The following NFASC variants were observed in gnomAD, a reference collection of about 807,000 sequenced individuals.
NFASC encodes neurofascin homolog.
In NFASC, 43 loss-of-function variants were observed where a neutral mutation model predicts 147.5. The ratio of observed to expected loss-of-function variants is 0.29; its 90% CI spans 0.23 to 0.38. The LOEUF (loss-of-function observed/expected upper bound fraction) is 0.38, where lower values mean the gene tolerates loss of function less well. Among genes scored for constraint, NFASC ranks in the 10% least tolerant of loss-of-function variants. The pLI, the probability that NFASC is intolerant of heterozygous loss-of-function variation, is 1.00. For synonymous variants in NFASC, 622 were observed against 665.5 expected, an observed-to-expected ratio of 0.93 and a Z score of 1.01; for missense variants, 1,320 against 1,689.0, an observed-to-expected ratio of 0.78 and a Z score of 3.83.
intron 25 of NFASC, chr1:205,000,882 G>A (rs891614599): frequency 4.1e-6 from 2 of 485,460 alleles, no homozygotes; most frequent in East Asian, 3.9e-5. Context: ...CTACCTATGT[G>A]GACACAGTCA....
intron 8 of NFASC, among the ~76,000 whole-genome samples, chr1:204,961,557 G>T (rs1436441541): frequency 6.6e-6 from 1 of 152,258 alleles, no homozygotes; most frequent in African/African-American, 2.4e-5. Flanking sequence ...TGCTGGGTGT[G>T]GCCAGGGCCC....
intron 21 of NFASC, among the ~76,000 whole-genome samples, chr1:204,983,306 T>C (rs1002872020): frequency 9.2e-5 from 14 of 152,212 alleles, no homozygotes; most frequent in African/African-American, 3.1e-4. Context: ...CTGAACTAGA[T>C]TAGGGCATCT....
At chr1:204,858,978 C>CTTTTTT (rs56763796) in intron 1 of NFASC, among the ~76,000 whole-genome samples, 3,277 of 139,376 alleles carry the variant, frequency 0.024, 175 homozygotes, top group African/African-American at 0.083. Context: ...AATGCACTGA[C>CTTTTTT]TTTTTTTTTT....
chr1:204,957,120 T>C (rs1470790974), intron 7 of NFASC, among the ~76,000 whole-genome samples: 1 of 152,250 alleles, frequency 6.6e-6, no homozygotes, highest in Admixed American at 6.5e-5. Flanking sequence ...TACATTATAA[T>C]TGATGATTAC....
At chr1:204,873,659 A>T (rs1237031451) in intron 1 of NFASC, among the ~76,000 whole-genome samples, 1 of 149,594 alleles carries the variant, frequency 6.7e-6, no homozygotes, top group Non-Finnish European at 1.5e-5. Flanking sequence ...TGTGCTAGGG[A>T]CAGCTGCTGG....
chr1:204,884,629 C>G (rs1392778201), intron 1 of NFASC, among the ~76,000 whole-genome samples: 2 of 152,138 alleles, frequency 1.3e-5, no homozygotes, highest in Non-Finnish European at 2.9e-5. Flanking sequence ...CTTACTTAGC[C>G]TTTGTGAGCC....
chr1:204,871,987 C>G (rs1047186501), intron 1 of NFASC, among the ~76,000 whole-genome samples: 9 of 152,198 alleles, frequency 5.9e-5, no homozygotes, highest in Non-Finnish European at 1.3e-4. Flanking sequence ...CCTTTGGGTA[C>G]AGGGCTCCCT....
intron 1 of NFASC, among the ~76,000 whole-genome samples, chr1:204,867,710 C>T (rs2077228839): frequency 1.3e-5 from 2 of 152,178 alleles, no homozygotes; most frequent in African/African-American, 4.8e-5. Flanking sequence ...AAGCCCCTCC[C>T]CAGAGACACA....
chr1:204,927,969 C>T (rs1234986100), intron 2 of NFASC, among the ~76,000 whole-genome samples: 3 of 152,174 alleles, frequency 2.0e-5, no homozygotes, highest in African/African-American at 7.2e-5. Context: ...GGCTCTTCTC[C>T]GTGGTGGTGG....
In NFASC at chr1:205,016,011, C is replaced by T. The variant is rs895969638; in HGVS notation, c.3492-297C>T. Among the ~76,000 whole-genome samples the T allele has an allele frequency of 7.2e-5, 11 of 152,180 alleles. No homozygotes were observed. The highest frequency in any genetic ancestry group is 2.2e-4 in the African/African-American group (9 of 41,452). On this transcript the variant is annotated intron_variant, in intron 29 of 29. Transcript: ENST00000339876. This position sits in a 1 kb window ranked among gnomAD's most constrained non-coding sequence, Gnocchi z 5.1. ...CCATGGGGTGGCCATCCTCTGTCCACTTCCACCACACACAGGGACCCAATC... is the reference window on the plus strand; with the variant it reads ...CCATGGGGTGGCCATCCTCTGTCCATTTCCACCACACACAGGGACCCAATC...
chr1:204,924,283 C>G lies in NFASC; in HGVS notation c.-91+3543C>G, dbSNP rs191873073. Among the ~76,000 whole-genome samples the G allele has an allele frequency of 2.0e-5, 3 of 152,298 alleles. No homozygotes were observed. In the East Asian group the frequency reaches 5.8e-4, roughly 29 times the overall value. ...CTGATGTCTGTATGGGATGTAAATGCAGAAGGCTGCAGGGAGGGAGAGAAG... is the reference window on the plus strand; with the variant it reads ...CTGATGTCTGTATGGGATGTAAATGGAGAAGGCTGCAGGGAGGGAGAGAAG... On this transcript the variant is annotated intron_variant, in intron 2 of 29. Transcript: ENST00000339876.
At chr1:204,844,107 A>G (rs183250842) in intron 1 of NFASC, among the ~76,000 whole-genome samples, 328 of 152,262 alleles carry the variant, frequency 2.2e-3, no homozygotes, top group African/African-American at 7.4e-3. Flanking sequence ...GAAATAGAAT[A>G]TGGAGCAAGA....
chr1:204,940,708 C>G (rs2093305922), intron 2 of NFASC, among the ~76,000 whole-genome samples: 1 of 152,166 alleles, frequency 6.6e-6, no homozygotes, highest in African/African-American at 2.4e-5. Context: ...TCCCTGTGAC[C>G]TTTTGTGCAT....
intron 1 of NFASC, among the ~76,000 whole-genome samples, chr1:204,915,245 C>T (rs2088894437): frequency 6.6e-6 from 1 of 152,082 alleles, no homozygotes; most frequent in Non-Finnish European, 1.5e-5. Flanking sequence ...AGCACCACTG[C>T]ACTCCAGCCT....
chr1:204,981,302 A>G (rs2095505154), intron 20 of NFASC, among the ~76,000 whole-genome samples: 2 of 152,222 alleles, frequency 1.3e-5, no homozygotes, highest in Admixed American at 6.5e-5. Flanking sequence ...AATCACACCC[A>G]TGTTTAAAGA....
chr1:204,958,686 T>C (rs182733785), intron 8 of NFASC, among the ~76,000 whole-genome samples: 1 of 152,328 alleles, frequency 6.6e-6, no homozygotes, highest in African/African-American at 2.4e-5. Context: ...TTAGTCTGAC[T>C]CATGCTGTGA....
In NFASC at chr1:204,977,067, G is replaced by A. The variant is rs1258727590; in HGVS notation, c.1831+272G>A. ...AGTGATATAGAGAAAGTGGAGAGGGGTTTCTCGTTGTGATCATTTTACCTT... is the reference window on the plus strand; with the variant it reads ...AGTGATATAGAGAAAGTGGAGAGGGATTTCTCGTTGTGATCATTTTACCTT... On this transcript the variant is annotated intron_variant, in intron 16 of 29. Transcript: ENST00000339876. 4.1e-6 allele frequency: 5 copies of A among 1,233,968 alleles called. No individual in the cohort carries two copies. The Admixed American group carries it at 2.1e-4, about 52-fold the overall frequency. 76.4% of individuals were successfully genotyped at this position (1,233,968 alleles called of 1,614,324 possible).
chr1:204,905,045 C>T (rs935486255), intron 1 of NFASC, among the ~76,000 whole-genome samples: 1 of 152,174 alleles, frequency 6.6e-6, no homozygotes, highest in East Asian at 1.9e-4. Context: ...TTGCCTCCTC[C>T]ACTACCAGAA....
chr1:204,974,206 G>T lies in NFASC; in HGVS notation c.1307G>T (p.Arg436Leu). Residue 436 changes from arginine (R) to leucine (L), a missense_variant, in exon 13 of 30, where the codon CGG becomes CTG. Transcript: ENST00000339876. ...LDVPPRMLSP[R>L]NQLIRVILYN... ...GTGCCGCCTCGGATGCTGTCGCCCC[G>T]GAACCAGCTCATTCGAGTGATTCTT... is the stretch of plus-strand genomic sequence containing the variant. 6.2e-7 allele frequency: 1 copy of T among 1,613,944 alleles called. No homozygotes were observed. The highest frequency in any genetic ancestry group is 1.1e-5 in the South Asian group (1 of 91,012).
Sources: gnomAD v4.1 joint callset for allele counts (sites outside exome capture counted in the v4.1 genomes callset) on GRCh38, gnomAD v4.1.1 for gene constraint, Gnocchi (gnomAD v3.1) non-coding constraint, MANE v1.5 for transcripts, NCBI Gene and HGNC (gene_info 2026-07-23, HGNC 2026-07-21) for gene names.